STMP1: variants seen among roughly 807,000 people sequenced by gnomAD.
The protein encoded by STMP1 is short transmembrane mitochondrial protein 1.
In STMP1, 7 loss-of-function variants were observed where a neutral mutation model predicts 7.0. That is an observed-to-expected ratio of 1.01 (90% CI 0.57 to 1.89). The LOEUF (loss-of-function observed/expected upper bound fraction) is 1.89, where lower values mean the gene tolerates loss of function less well. STMP1 is among the 40% of genes most tolerant of loss of function. The pLI is 0.00. For missense variants in STMP1, 45 were observed against 53.0 expected, an observed-to-expected ratio of 0.85 and a Z score of 0.47; for synonymous variants, 19 against 18.4, an observed-to-expected ratio of 1.03 and a Z score of -0.08.
chr7:135,662,738 C>T, intron 1 of STMP1, 144 bp downstream of exon 1: 9 of 902,150 alleles, frequency 1.0e-5, no homozygotes, highest in Non-Finnish European at 1.5e-5. Context: ...GTCGTCGCCT[C>T]GCAGGGCGGC....
chr7:135,663,852 G>A (rs946818375), intron 1 of STMP1, among the ~76,000 whole-genome samples: 2 of 151,920 alleles, frequency 1.3e-5, no homozygotes, highest in African/African-American at 4.8e-5. Flanking sequence ...CACCCCGTTG[G>A]CCGGGATGGT....
intron 2 of STMP1, 132 bp downstream of exon 2, chr7:135,672,938 T>C: frequency 4.2e-6 from 3 of 719,276 alleles, no homozygotes; most frequent in Non-Finnish European, 7.1e-6. Context: ...CTGAATATTG[T>C]AGAATGGTTT....
chr7:135,665,077 G>A (rs1584704866), intron 1 of STMP1, among the ~76,000 whole-genome samples: 1 of 152,264 alleles, frequency 6.6e-6, no homozygotes, highest in East Asian at 1.9e-4. Context: ...AAAAACAGGA[G>A]CACTCAACAA....
intron 1 of STMP1, among the ~76,000 whole-genome samples, chr7:135,664,060 C>A (rs1795266811): frequency 6.6e-6 from 1 of 151,868 alleles, no homozygotes; most frequent in Admixed American, 6.6e-5. Context: ...CTTAATCTGC[C>A]CAGCTAAGAC....
At position 135,674,823 on chromosome 7, in the gene STMP1, C is replaced by T. The variant is rs960870454; in HGVS notation, c.*658C>T. The T allele has an allele frequency of 1.2e-4, 19 of 152,200 alleles. No individual in the cohort carries two copies. Among genetic ancestry groups the T allele is most frequent in the African/African-American group, 4.6e-4 (19 of 41,526 alleles). The allele number at this position is 152,200 out of a possible 1,614,324, so 9.4% of individuals were successfully genotyped here. A position where few individuals can be genotyped will look rare whatever the true frequency, so the allele number is the denominator to read the frequency against. On this transcript the variant is annotated 3_prime_UTR_variant, in exon 3 of 3. Coordinates refer to ENST00000507606, the MANE Select transcript of STMP1 (RefSeq NM_001130929.2). The stretch of plus-strand genomic sequence containing the variant: ...TAGAGTTCATAGTCTATTTAGTGTG[C>T]ATGTTTTTCCTTAATGATGTATTTG...
chr7:135,662,520 G>C lies in STMP1; in HGVS notation c.-60G>C, dbSNP rs1795241882. 3.3e-6 allele frequency: 5 copies of C among 1,526,980 alleles called. No homozygotes were observed. The highest frequency in any genetic ancestry group is 1.2e-5 in the South Asian group (1 of 82,588). The allele number at this position is 1,526,980 out of a possible 1,614,324, so 94.6% of individuals were successfully genotyped here. A position where few individuals can be genotyped will look rare whatever the true frequency, so the allele number is the denominator to read the frequency against. On this transcript the variant is annotated 5_prime_UTR_variant, in exon 1 of 3. Coordinates refer to ENST00000507606, the MANE Select transcript of STMP1 (RefSeq NM_001130929.2). ...CCCCCGCGCATGGGGAGGTAGGCTC[G>C]GACCGGCCCGCGGAGCTGCTGCAGT...
Position 135,675,523 on chromosome 7 carries a change from T to C in STMP1, c.*1358T>C, listed in dbSNP as rs1181843845. 6.6e-6 allele frequency: 1 copy of C among 152,204 alleles called. No homozygotes were observed. Among genetic ancestry groups the C allele is most frequent in the African/African-American group, 2.4e-5 (1 of 41,444 alleles). The allele number at this position is 152,204 out of a possible 1,614,324, so 9.4% of individuals were successfully genotyped here. A position where few individuals can be genotyped will look rare whatever the true frequency, so the allele number is the denominator to read the frequency against. ...GAATGCTTAGGTTGTTCTTTTGCTA[T>C]TACAGTGATAACTTCAATCCTAATG... On this transcript the variant is annotated 3_prime_UTR_variant, in exon 3 of 3. Coordinates refer to ENST00000507606, the MANE Select transcript of STMP1 (RefSeq NM_001130929.2).
chr7:135,672,828 T>G (rs1392926518), intron 2 of STMP1, 22 bp downstream of exon 2: 2 of 1,539,290 alleles, frequency 1.3e-6, no homozygotes, highest in African/African-American at 2.7e-5. Flanking sequence ...TATCCATGAC[T>G]TCCTTGATTC....
At chr7:135,667,918 T>C (rs1476177941) in intron 1 of STMP1, among the ~76,000 whole-genome samples, 2 of 152,232 alleles carry the variant, frequency 1.3e-5, no homozygotes, top group African/African-American at 4.8e-5. Flanking sequence ...TAGTTTTAGC[T>C]CTTACATTTA....
In STMP1 at chr7:135,662,527, C is replaced by T. The variant is rs565644989; in HGVS notation, c.-53C>T. On this transcript the variant is annotated 5_prime_UTR_variant, in exon 1 of 3. Transcript: ENST00000507606. ...GCATGGGGAGGTAGGCTCGGACCGGCCCGCGGAGCTGCTGCAGTCCTTCGC... is the reference window on the plus strand; with the variant it reads ...GCATGGGGAGGTAGGCTCGGACCGGTCCGCGGAGCTGCTGCAGTCCTTCGC... 2.0e-6 allele frequency: 3 copies of T among 1,534,300 alleles called. No individual in the cohort carries two copies. The highest frequency in any genetic ancestry group is 2.0e-5 in the Admixed American group (1 of 49,894).
Position 135,675,576 on chromosome 7 carries a change from G to C in STMP1, c.*1411G>C, listed in dbSNP as rs1360088522. On this transcript the variant is annotated 3_prime_UTR_variant, in exon 3 of 3. Coordinates refer to ENST00000507606, the MANE Select transcript of STMP1 (RefSeq NM_001130929.2). ...ATTAAGCATATCGATTCAGGGTATA[G>C]CTATAAGATGAAGTCCTAAAAGTAT... 2 of 152,146 alleles carry C rather than the reference G, an allele frequency of 1.3e-5. No homozygotes were observed. Among genetic ancestry groups the C allele is most frequent in the African/African-American group, 4.8e-5 (2 of 41,416 alleles). The allele number at this position is 152,146 out of a possible 1,614,324, so 9.4% of individuals were successfully genotyped here.
At chr7:135,667,551 A>C (rs1795309963) in intron 1 of STMP1, among the ~76,000 whole-genome samples, 1 of 152,234 alleles carries the variant, frequency 6.6e-6, no homozygotes, top group African/African-American at 2.4e-5. Context: ...TGTGTCACTC[A>C]GTTGTAAGAA....
In STMP1 at chr7:135,675,500, A is replaced by G. The variant is rs914528115; in HGVS notation, c.*1335A>G. 6.6e-6 allele frequency: 1 copy of G among 152,138 alleles called. No homozygotes were observed. The highest frequency in any genetic ancestry group is 1.5e-5 in the Non-Finnish European group (1 of 68,034). 9.4% of individuals were successfully genotyped at this position (152,138 alleles called of 1,614,324 possible). Reference sequence around the variant, plus strand: ...AATTGATTTAATCTGCTACTGGTGAATGCTTAGGTTGTTCTTTTGCTATTA... The same window carrying G: ...AATTGATTTAATCTGCTACTGGTGAGTGCTTAGGTTGTTCTTTTGCTATTA... On this transcript the variant is annotated 3_prime_UTR_variant, in exon 3 of 3. Coordinates refer to ENST00000507606, the MANE Select transcript of STMP1 (RefSeq NM_001130929.2).
Position 135,662,565 on chromosome 7 carries a change from C to T in STMP1, c.-15C>T, listed in dbSNP as rs909125609. On this transcript the variant is annotated 5_prime_UTR_variant, in exon 1 of 3. Transcript: ENST00000507606. ...TGCAGTCCTTCGCGCCCTCCTCGCC[C>T]TCCCCACCGACATCATGCTCCAGTT... The T allele has an allele frequency of 2.2e-5, 34 of 1,548,076 alleles. No individual in the cohort carries two copies. The highest frequency in any genetic ancestry group is 7.9e-5 in the Admixed American group (4 of 50,760).
chr7:135,665,904 T>C (rs765223680), intron 1 of STMP1, among the ~76,000 whole-genome samples: 6 of 150,222 alleles, frequency 4.0e-5, no homozygotes, highest in Non-Finnish European at 8.9e-5. Context: ...TGTAATCTGT[T>C]GCTTTTTTTT....
chr7:135,667,274 A>G (rs541642487), intron 1 of STMP1, among the ~76,000 whole-genome samples: 2 of 152,302 alleles, frequency 1.3e-5, no homozygotes, highest in African/African-American at 2.4e-5. Context: ...GCAGTGGTGC[A>G]GTCTCGGCTC....
chr7:135,663,686 C>T (rs1484019679), intron 1 of STMP1, among the ~76,000 whole-genome samples: 3 of 151,884 alleles, frequency 2.0e-5, no homozygotes, highest in Admixed American at 1.3e-4. Flanking sequence ...AACGGAGTCC[C>T]GCTCTGTCGC....
rs1229859200 is a variant in STMP1 at position 135,674,188 on chromosome 7, AG to A, written c.*25del. ...TGAGACTGCCTCCAGCACTGCCTTCAGGATATACTGATTCTACTGCTCTTGA... is the reference window on the plus strand; with the variant it reads ...TGAGACTGCCTCCAGCACTGCCTTCAGATATACTGATTCTACTGCTCTTGA... On this transcript the variant is annotated 3_prime_UTR_variant, in exon 3 of 3. Coordinates refer to ENST00000507606, the MANE Select transcript of STMP1 (RefSeq NM_001130929.2). 1 of 1,508,638 alleles carries A rather than the reference AG, an allele frequency of 6.6e-7. No individual in the cohort carries two copies. Among genetic ancestry groups the A allele is most frequent in the Non-Finnish European group, 8.9e-7 (1 of 1,120,008 alleles). The allele number at this position is 1,508,638 out of a possible 1,614,324, so 93.5% of individuals were successfully genotyped here.
chr7:135,665,160 G>A (rs368878422), intron 1 of STMP1, among the ~76,000 whole-genome samples: 2 of 152,306 alleles, frequency 1.3e-5, no homozygotes, highest in Non-Finnish European at 2.9e-5. Flanking sequence ...CTCAAGTGGG[G>A]ATTAGCTTCT....
Sources: gnomAD v4.1 joint callset for allele counts (sites outside exome capture counted in the v4.1 genomes callset) on GRCh38, gnomAD v4.1.1 for gene constraint, MANE v1.5 for transcripts, NCBI Gene and HGNC (gene_info 2026-07-23, HGNC 2026-07-21) for gene names.